SORBS2: variants seen among roughly 807,000 people sequenced by gnomAD.
SORBS2 encodes the protein sorbin and SH3 domain-containing protein 2.
A neutral mutation model predicts 97.7 loss-of-function variants in SORBS2; 46 were observed. The observed-to-expected ratio is 0.47, with a 90% CI of 0.37 to 0.60. The LOEUF is 0.60. SORBS2 is among the 20% of genes least tolerant of loss of function. The probability of loss-of-function intolerance (pLI) is 0.00; values close to 1 mark genes in which losing one functional copy is unlikely to be tolerated. For synonymous variants in SORBS2, 476 were observed against 473.4 expected (o/e 1.01, Z -0.07); for missense variants, 1,316 against 1,282.3 (o/e 1.03, Z -0.40).
At chr4:185,652,899 G>A (rs752669606) in intron 1 of SORBS2, among the ~76,000 whole-genome samples, 171 bp from the exon 10 acceptor site, 5 of 152,156 alleles carry the variant, frequency 3.3e-5, no homozygotes, top group Admixed American at 1.3e-4. Flanking sequence ...ACTTAGTTAT[G>A]TGTGCAGTTT....
At position 185,743,152 on chromosome 4, in the gene SORBS2, T is replaced by TA. The variant is rs551059487; in HGVS notation, c.-198+32074_-198+32075insT. Among the ~76,000 whole-genome samples the TA allele has an allele frequency of 1.4e-3, 206 of 152,328 alleles. 1 individual carries two copies. The highest frequency in any genetic ancestry group is 4.1e-3 in the African/African-American group (169 of 41,580). The stretch of plus-strand genomic sequence containing the variant: ...CTACTCTATTAGACACATTGTCCTT[T>TA]TTAAATTATATTTTTACAATAATTT... On this transcript the variant is annotated intron_variant, in intron 2 of 20. Transcript: ENST00000284776.
At chr4:185,654,195 A>C (rs1182463486) in intron 1 of SORBS2, among the ~76,000 whole-genome samples, 1 of 152,204 alleles carries the variant, frequency 6.6e-6, no homozygotes, top group Non-Finnish European at 1.5e-5. Context: ...TTGATTGACT[A>C]TTCAGTCAAA....
At chr4:185,886,161 G>A (rs1013091609) in intron 1 of SORBS2, among the ~76,000 whole-genome samples, 1 of 152,126 alleles carries the variant, frequency 6.6e-6, no homozygotes, top group Non-Finnish European at 1.5e-5. Flanking sequence ...ACTTGTTCCC[G>A]GACTGTCCAG....
At chr4:185,925,409 A>AT (rs143220032) in intron 1 of SORBS2, among the ~76,000 whole-genome samples, 31,876 of 151,866 alleles carry the variant, frequency 0.21, 4,379 homozygotes, top group Non-Finnish European at 0.3. Flanking sequence ...AAAATAGCAC[A>AT]TTTTTTTTCT....
exon 3 of SORBS2, chr4:185,678,804 G>A: frequency 6.8e-7 from 1 of 1,464,704 alleles, no homozygotes; most frequent in Non-Finnish European, 9.1e-7. Context: ...ACCTGAGTCT[G>A]GTGACTGAGA....
chr4:185,611,879 C>G, exon 12 of SORBS2: 1 of 1,614,022 alleles, frequency 6.2e-7, no homozygotes, highest in South Asian at 1.1e-5. Context: ...TCTTGACGAC[C>G]TCCACATAGG....
intron 2 of SORBS2, among the ~76,000 whole-genome samples, chr4:185,741,409 T>TC (rs921430078): frequency 4.2e-5 from 6 of 144,188 alleles, no homozygotes; most frequent in Non-Finnish European, 7.6e-5. Context: ...TTTTTGTTTT[T>TC]TTTTTTTTTT....
chr4:185,628,427 G>A (rs6846237), intron 5 of SORBS2, among the ~76,000 whole-genome samples: 58,053 of 151,636 alleles, frequency 0.38, 11,208 homozygotes, highest in South Asian at 0.53. Context: ...TTTAGAAGAT[G>A]TTATATTGGA....
intron 1 of SORBS2, among the ~76,000 whole-genome samples, chr4:185,804,382 C>G (rs2099144072): frequency 6.6e-6 from 1 of 152,226 alleles, no homozygotes; most frequent in Non-Finnish European, 1.5e-5. Context: ...AACAAGACTG[C>G]TCTCTCGTGG....
At chr4:185,840,651 A>C (rs560490522) in intron 1 of SORBS2, among the ~76,000 whole-genome samples, 2 of 152,296 alleles carry the variant, frequency 1.3e-5, no homozygotes, top group African/African-American at 4.8e-5. Flanking sequence ...TTTCAAATAC[A>C]ATTCGATTTC....
intron 1 of SORBS2, among the ~76,000 whole-genome samples, chr4:185,937,551 C>T (rs548676753): frequency 2.6e-5 from 4 of 152,282 alleles, no homozygotes; most frequent in East Asian, 1.9e-4. Flanking sequence ...CTAAATCCTT[C>T]GTCAAAAAGT....
chr4:185,927,688 C>T lies in SORBS2; in HGVS notation c.-338+28508G>A, dbSNP rs994535375. On this transcript the variant is annotated intron_variant, in intron 1 of 20. Coordinates refer to the SORBS2 transcript ENST00000284776. ...ATAAAAGCCCAATTACTTCAATTAC[C>T]TATATTGATGAAATAAAGTTAAGTT... 3.3e-5 allele frequency among the ~76,000 whole-genome samples: 5 copies of T among 152,220 alleles called. No homozygotes were observed. The East Asian group carries it at 9.7e-4, about 29-fold the overall frequency.
At chr4:185,631,943 C>T (rs1261501601) in intron 4 of SORBS2, among the ~76,000 whole-genome samples, 1 of 152,284 alleles carries the variant, frequency 6.6e-6, no homozygotes, top group African/African-American at 2.4e-5. Flanking sequence ...AGTTTAAAAA[C>T]ATTTGTCTGT....
Position 185,896,527 on chromosome 4 carries a change from T to C in SORBS2, c.-338+59669A>G, listed in dbSNP as rs539957932. On this transcript the variant is annotated intron_variant, in intron 1 of 20. Coordinates refer to the SORBS2 transcript ENST00000284776. ...TGAATCCGGGAGGCAGAGGTTGCAG[T>C]GAGCCAAGATCGCGCCACTGCACTC... Among the ~76,000 whole-genome samples, 186 of 152,304 alleles carry C rather than the reference T, an allele frequency of 1.2e-3. 2 individuals carry two copies. Among genetic ancestry groups the C allele is most frequent in the African/African-American group, 4.2e-3 (176 of 41,574 alleles).
chr4:185,834,543 T>A (rs903582838), intron 1 of SORBS2, among the ~76,000 whole-genome samples: 1 of 152,174 alleles, frequency 6.6e-6, no homozygotes, highest in African/African-American at 2.4e-5. Flanking sequence ...TGAGGCAGAA[T>A]GTAATCAGTG....
chr4:185,712,063 G>A (rs1190898070), intron 2 of SORBS2, among the ~76,000 whole-genome samples: 1 of 152,134 alleles, frequency 6.6e-6, no homozygotes, highest in Non-Finnish European at 1.5e-5. Context: ...GCAGAAAAGG[G>A]TGATTCCCCA....
At chr4:185,874,058 TGAA>T (rs2099231951) in intron 1 of SORBS2, among the ~76,000 whole-genome samples, 1 of 152,178 alleles carries the variant, frequency 6.6e-6, no homozygotes, top group Non-Finnish European at 1.5e-5. Context: ...CTCTTTATTC[TGAA>T]GTAGTCTTAG....
At chr4:185,723,514 C>T (rs2098532860) in intron 2 of SORBS2, among the ~76,000 whole-genome samples, 1 of 152,166 alleles carries the variant, frequency 6.6e-6, no homozygotes. Flanking sequence ...CAGCCCGTAC[C>T]AGTGCACTCA....
At chr4:185,939,902 T>C (rs556999281) in intron 1 of SORBS2, among the ~76,000 whole-genome samples, 1 of 152,276 alleles carries the variant, frequency 6.6e-6, no homozygotes, top group East Asian at 1.9e-4. Flanking sequence ...ATTCTCATCA[T>C]AGTCACCAAC....
Sources: gnomAD v4.1 joint callset for allele counts (sites outside exome capture counted in the v4.1 genomes callset) on GRCh38, gnomAD v4.1.1 for gene constraint, MANE v1.5 for transcripts, NCBI Gene and HGNC (gene_info 2026-07-23, HGNC 2026-07-21) for gene names.